Variants in RBFOX1 observed in about 807,000 individuals in gnomAD.
RBFOX1 encodes the protein RNA binding fox-1 homolog 1.
RBFOX1 carries 8 observed loss-of-function variants against 57.7 expected under a neutral mutation model. That is an observed-to-expected ratio of 0.14 (90% confidence interval 0.08 to 0.25). The LOEUF is 0.25. Ranked by LOEUF, RBFOX1 falls within the 10% of genes least tolerant of loss-of-function variation. The pLI, the probability that RBFOX1 is intolerant of heterozygous loss-of-function variation, is 1.00. For synonymous variants in RBFOX1, 326 were observed against 222.4 expected (o/e 1.47, Z -4.15); for missense variants, 611 against 548.5 (o/e 1.11, Z -1.14).
At chr16:6,710,973 A>G (rs376093192) in intron 3 of RBFOX1, among the ~76,000 whole-genome samples, 10 of 152,198 alleles carry the variant, frequency 6.6e-5, no homozygotes, top group African/African-American at 1.7e-4. Flanking sequence ...CAATTCCCCA[A>G]AGAAGCTCTA....
chr16:5,546,936 A>G (rs2045232114), intron 2 of RBFOX1, among the ~76,000 whole-genome samples: 1 of 152,244 alleles, frequency 6.6e-6, no homozygotes, highest in African/African-American at 2.4e-5. Flanking sequence ...TAAAACAATG[A>G]TAAAATATTT....
At chr16:6,841,286 T>C (rs755143315) in intron 3 of RBFOX1, among the ~76,000 whole-genome samples, 1 of 152,204 alleles carries the variant, frequency 6.6e-6, no homozygotes, top group Non-Finnish European at 1.5e-5. Flanking sequence ...CGAGGTTTGA[T>C]AAGGACATTA....
Position 5,990,052 on chromosome 16 carries a change from C to G in RBFOX1, c.351+122717C>G, listed in dbSNP as rs150713425. 1.8e-3 allele frequency among the ~76,000 whole-genome samples: 267 copies of G among 152,262 alleles called. 1 individual carries two copies. The highest frequency in any genetic ancestry group is 3.1e-3 in the Admixed American group (47 of 15,306). ...GTTGCCCAGGCTGGAGTGGCGCTAT[C>G]ATGGTTCACTGCAGCCTCAAACTCC... On this transcript the variant is annotated intron_variant, in intron 4 of 19. Coordinates refer to the RBFOX1 transcript ENST00000641259.
At position 5,399,466 on chromosome 16, in the gene RBFOX1, A is replaced by C. The variant is rs77878147; in HGVS notation, c.220-67750A>C. Among the ~76,000 whole-genome samples the C allele has an allele frequency of 5.1e-3, 783 of 152,322 alleles. 24 individuals carry two copies. Among genetic ancestry groups the C allele is most frequent in the Admixed American group, 0.044 (673 of 15,302 alleles). ...AGTAAGAATTGCTCTTAATCACCCC[A>C]TTGGGAGAATGAACACCATTAACAT... On this transcript the variant is annotated intron_variant, in intron 1 of 2. Coordinates refer to the RBFOX1 transcript ENST00000585867.
At chr16:7,217,043 C>CCCTCCCTG (rs1567748798) in intron 4 of RBFOX1, among the ~76,000 whole-genome samples, 2 of 109,396 alleles carry the variant, frequency 1.8e-5, no homozygotes, top group Non-Finnish European at 3.6e-5. Flanking sequence ...CTCCCTCCCT[C>CCCTCCCTG]CCTCCCTCCC....
chr16:6,852,901 G>T (rs2094145799), intron 3 of RBFOX1, among the ~76,000 whole-genome samples: 1 of 152,196 alleles, frequency 6.6e-6, no homozygotes, highest in African/African-American at 2.4e-5. Flanking sequence ...GTCCACACAA[G>T]GTGCATGCTG....
intron 3 of RBFOX1, among the ~76,000 whole-genome samples, chr16:5,703,954 A>G (rs1393261455): frequency 6.6e-6 from 1 of 152,194 alleles, no homozygotes; most frequent in Non-Finnish European, 1.5e-5. Context: ...TGCCATGATT[A>G]TTATGCCCAG....
intron 4 of RBFOX1, among the ~76,000 whole-genome samples, chr16:7,212,590 A>C (rs1306491277): frequency 6.6e-6 from 1 of 152,116 alleles, no homozygotes; most frequent in Non-Finnish European, 1.5e-5. Context: ...CATCCCTTGA[A>C]GGCTGAGAAC....
intron 1 of RBFOX1, among the ~76,000 whole-genome samples, chr16:6,173,879 TTTTGTTTG>T (rs957787669): frequency 2.2e-4 from 33 of 151,226 alleles, no homozygotes; most frequent in Admixed American, 5.3e-4. Context: ...CAAAGTGCTG[TTTTGTTTG>T]TTTGTTTGTT....
chr16:5,920,177 A>C (rs1597795263), intron 4 of RBFOX1, among the ~76,000 whole-genome samples: 3 of 151,888 alleles, frequency 2.0e-5, no homozygotes, highest in Non-Finnish European at 4.4e-5. Context: ...CTTGTGATCC[A>C]CCTGCCTTGG....
At chr16:7,437,076 G>T (rs1222793713) in intron 4 of RBFOX1, among the ~76,000 whole-genome samples, 1 of 152,194 alleles carries the variant, frequency 6.6e-6, no homozygotes, top group East Asian at 1.9e-4. Context: ...GCGAGACTCT[G>T]TCTCAAAAAA....
intron 3 of RBFOX1, among the ~76,000 whole-genome samples, chr16:5,611,719 T>TATCCATCCATCTATCCATCCATCCATCC (rs1555481983): frequency 2.1e-3 from 240 of 114,670 alleles, no homozygotes; most frequent in Non-Finnish European, 3.1e-3. Context: ...TCCATCCATC[T>TATCCATCCATCTATCCATCCATCCATCC]ATCCATCCAT....
intron 3 of RBFOX1, among the ~76,000 whole-genome samples, chr16:6,716,547 C>G (rs1384645556): frequency 1.3e-5 from 2 of 152,246 alleles, no homozygotes; most frequent in East Asian, 3.8e-4. Flanking sequence ...ATAGAACTTA[C>G]TCTTCCATCT....
intron 2 of RBFOX1, among the ~76,000 whole-genome samples, chr16:6,407,117 G>A (rs1489660022): frequency 6.6e-6 from 1 of 152,118 alleles, no homozygotes; most frequent in African/African-American, 2.4e-5. Context: ...ATGTAACATA[G>A]TGGCCAGTCA....
At chr16:6,987,145 T>G (rs995095334) in intron 3 of RBFOX1, among the ~76,000 whole-genome samples, 33 of 152,000 alleles carry the variant, frequency 2.2e-4, no homozygotes, top group African/African-American at 7.7e-4. Context: ...TAATGGGAGC[T>G]CAGTCAGAGA....
At chr16:6,907,170 G>C (rs964611633) in intron 3 of RBFOX1, among the ~76,000 whole-genome samples, 2 of 152,150 alleles carry the variant, frequency 1.3e-5, no homozygotes, top group African/African-American at 4.8e-5. Flanking sequence ...ACTTGGCAGG[G>C]GAGTATGTCC....
intron 3 of RBFOX1, among the ~76,000 whole-genome samples, chr16:5,782,896 G>A (rs1487013821): frequency 6.6e-6 from 1 of 152,158 alleles, no homozygotes; most frequent in Non-Finnish European, 1.5e-5. Flanking sequence ...GAAGAAGAGG[G>A]TGAATTCCTC....
intron 4 of RBFOX1, among the ~76,000 whole-genome samples, chr16:5,898,528 T>A (rs2058223398): frequency 6.6e-6 from 1 of 151,776 alleles, no homozygotes; most frequent in African/African-American, 2.4e-5. Context: ...TAGCAGGGTT[T>A]TTTTTTTTTT....
intron 1 of RBFOX1, among the ~76,000 whole-genome samples, chr16:5,255,322 T>TTCCATCCATCCATCCATCCCTCCA (rs2062557865): frequency 5.3e-4 from 63 of 119,482 alleles, no homozygotes; most frequent in East Asian, 9.2e-4. Context: ...CCACACTTCC[T>TTCCATCCATCCATCCATCCCTCCA]TCCATCCATC....
Sources: gnomAD v4.1 joint callset for allele counts (sites outside exome capture counted in the v4.1 genomes callset) on GRCh38, gnomAD v4.1.1 for gene constraint, MANE v1.5 for transcripts, NCBI Gene and HGNC (gene_info 2026-07-23, HGNC 2026-07-21) for gene names.